Variants in ARL6IP1 observed in about 807,000 individuals in gnomAD.
ARL6IP1 encodes ADP-ribosylation factor-like protein 6-interacting protein 1.
A neutral mutation model predicts 30.1 loss-of-function variants in ARL6IP1; 16 were observed. The ratio of observed to expected loss-of-function variants is 0.53; its 90% CI spans 0.36 to 0.81. The LOEUF (loss-of-function observed/expected upper bound fraction) is 0.81, where lower values mean the gene tolerates loss of function less well. Among genes scored for constraint, ARL6IP1 ranks in the 30% least tolerant of loss-of-function variants. The pLI is 0.01. For missense variants in ARL6IP1, 173 were observed against 242.7 expected (o/e 0.71, Z 1.91); for synonymous variants, 72 against 84.8 (o/e 0.85, Z 0.83).
At chr16:18,795,643 C>T (rs2030208661) in intron 3 of ARL6IP1, 62 bp from the exon 4 acceptor site, 3 of 1,057,962 alleles carry the variant, frequency 2.8e-6, no homozygotes, top group African/African-American at 3.2e-5. Flanking sequence ...AACATGACAC[C>T]CTGTTCAATT....
intron 2 of ARL6IP1, chr16:18,798,276 T>G (rs112426894): frequency 2.6e-5 from 10 of 391,678 alleles, no homozygotes; most frequent in African/African-American, 1.3e-4. Flanking sequence ...CTCAGCACTT[T>G]TTTAAGAGTT....
intron 4 of ARL6IP1, 56 bp from the exon 5 acceptor site, chr16:18,794,739 T>C: frequency 8.1e-7 from 1 of 1,234,114 alleles, no homozygotes; most frequent in South Asian, 1.3e-5. Flanking sequence ...CATAAATATA[T>C]GTAATTTTTA....
Position 18,794,602 on chromosome 16 carries a change from T to G in ARL6IP1, c.490A>C (p.Ile164Leu), listed in dbSNP as rs200377377. The change falls in exon 5 of 6, where the codon ATA becomes CTA. Residue 164 changes from isoleucine (I) to leucine (L), a missense_variant. Coordinates refer to ENST00000304414, the MANE Select transcript of ARL6IP1 (RefSeq NM_015161.3). The stretch of plus-strand genomic sequence containing the variant: ...TAGTTTTTCCTCAAAGACTTACCTA[T>G]CAGGTAGGTGAGAAGCAGGTTGTGG... ...QVHNLLLTYL[I>L]VTSLLLLPGL... The G allele has an allele frequency of 3.7e-5, 59 of 1,610,846 alleles. No homozygotes were observed. In the Admixed American group the frequency reaches 9.0e-4, roughly 25 times the overall value.
At chr16:18,793,988 T>TG (rs551401994) in intron 5 of ARL6IP1, among the ~76,000 whole-genome samples, 300 of 143,496 alleles carry the variant, frequency 2.1e-3, no homozygotes, top group East Asian at 5.2e-3. Context: ...CGGTGGTGGG[T>TG]GGGGGGGGTG....
chr16:18,794,855 C>A (rs181767491), intron 4 of ARL6IP1, among the ~76,000 whole-genome samples, 172 bp from the exon 5 acceptor site: 1 of 152,270 alleles, frequency 6.6e-6, no homozygotes, highest in East Asian at 1.9e-4. Flanking sequence ...TCCATTGGAT[C>A]TACTTTATAG....
chr16:18,800,621 T>C (rs1596950309), intron 1 of ARL6IP1, among the ~76,000 whole-genome samples: 1 of 152,330 alleles, frequency 6.6e-6, no homozygotes, highest in Non-Finnish European at 1.5e-5. Context: ...CAAAAGCCCC[T>C]AAGTAAATTC....
chr16:18,798,091 T>C, intron 2 of ARL6IP1, 47 bp from the exon 3 acceptor site: 1 of 1,522,998 alleles, frequency 6.6e-7, no homozygotes. Flanking sequence ...TCATTATTAT[T>C]CCTAACTAAA....
chr16:18,791,922 A>C lies in ARL6IP1; in HGVS notation c.*1330T>G, dbSNP rs1385545540. 6.5e-6 allele frequency: 1 copy of C among 152,688 alleles called. No individual in the cohort carries two copies. The highest frequency in any genetic ancestry group is 2.4e-5 in the African/African-American group (1 of 41,476). The allele number at this position is 152,688 out of a possible 1,614,324, so 9.5% of individuals were successfully genotyped here. Reference sequence around the variant, plus strand: ...CAGCAATATTAAAGAGGAGAAAACAACACTTATTTAATAGGGACAGATATA... The same window carrying C: ...CAGCAATATTAAAGAGGAGAAAACACCACTTATTTAATAGGGACAGATATA... On this transcript the variant is annotated 3_prime_UTR_variant, in exon 6 of 6. Transcript: ENST00000304414.
At chr16:18,801,371 G>C (rs2030405962) in intron 1 of ARL6IP1, 60 bp downstream of exon 1, 2 of 1,601,518 alleles carry the variant, frequency 1.2e-6, no homozygotes, top group Non-Finnish European at 1.7e-6. Flanking sequence ...CGCGGTGTTT[G>C]AGCCCACGGA....
intron 1 of ARL6IP1, chr16:18,801,114 A>T (rs1444965102): frequency 8.4e-7 from 1 of 1,183,868 alleles, no homozygotes; most frequent in Non-Finnish European, 1.1e-6. Flanking sequence ...AGCGCTGGAC[A>T]GGCCCCAGGA....
intron 1 of ARL6IP1, 187 bp downstream of exon 1, chr16:18,801,244 C>A: frequency 7.0e-7 from 1 of 1,426,732 alleles, no homozygotes; most frequent in Admixed American, 2.9e-5. Flanking sequence ...CGCGCACCGT[C>A]CCCAGGAAAG....
At chr16:18,799,527 AGTTT>A (rs886524041) in intron 1 of ARL6IP1, among the ~76,000 whole-genome samples, 15 of 152,234 alleles carry the variant, frequency 9.9e-5, no homozygotes, top group East Asian at 3.9e-4. Flanking sequence ...ACTTTTTTTA[AGTTT>A]GTTTATTTCA....
intron 2 of ARL6IP1, chr16:18,798,268 C>T (rs1318942951): frequency 9.9e-6 from 4 of 405,746 alleles, no homozygotes; most frequent in Non-Finnish European, 1.8e-5. Flanking sequence ...TTGGAGTTCT[C>T]AGCACTTTTT....
chr16:18,795,697 C>T (rs1378919854), intron 3 of ARL6IP1, 116 bp from the exon 4 acceptor site: 1 of 702,024 alleles, frequency 1.4e-6, no homozygotes, highest in African/African-American at 1.8e-5. Flanking sequence ...AACAATGTTT[C>T]ACCATTATCT....
intron 4 of ARL6IP1, chr16:18,795,173 TAGCCACTGTGCCCGGCCTAAAC>T (rs1234971040): frequency 7.5e-6 from 2 of 265,376 alleles, no homozygotes; most frequent in Non-Finnish European, 1.5e-5. Context: ...TTATAGGCAT[TAGCCACTGTGCCCGGCCTAAAC>T]AGATGCTTTC....
chr16:18,801,395 C>T, intron 1 of ARL6IP1, 36 bp downstream of exon 1: 3 of 1,610,714 alleles, frequency 1.9e-6, no homozygotes, highest in African/African-American at 1.3e-5. Context: ...CTGGAGGCCT[C>T]GCTCGGCTCC....
chr16:18,793,314 T>C lies in ARL6IP1; in HGVS notation c.550A>G (p.Ile184Val), dbSNP rs1312657750. The C allele has an allele frequency of 1.2e-6, 2 of 1,613,460 alleles. No homozygotes were observed. The highest frequency in any genetic ancestry group is 1.7e-6 in the Non-Finnish European group (2 of 1,179,910). The change falls in exon 6 of 6, where the codon ATT becomes GTT. Residue 184 changes from isoleucine to valine, a missense_variant. Transcript: ENST00000304414. Reference sequence around the variant, plus strand: ...TTTATCTCCCTCTTGGCCATTCCAATGTACTTCAAAATGATTCCATGTTGG... The same window carrying C: ...TTTATCTCCCTCTTGGCCATTCCAACGTACTTCAAAATGATTCCATGTTGG... ...LNQHGIILKY[I>V]GMAKREINKL...
chr16:18,799,164 C>T (rs962139534), intron 1 of ARL6IP1, among the ~76,000 whole-genome samples: 12 of 152,066 alleles, frequency 7.9e-5, no homozygotes, highest in African/African-American at 2.7e-4. Context: ...GGACTATAGG[C>T]GCCCGCCACC....
chr16:18,794,261 T>C (rs944083903), intron 5 of ARL6IP1, among the ~76,000 whole-genome samples: 8 of 152,196 alleles, frequency 5.3e-5, no homozygotes, highest in Non-Finnish European at 1.2e-4. Context: ...AGTTATTACA[T>C]TTTAAAGAAG....
Sources: allele counts gnomAD v4.1 joint callset (sites outside exome capture counted in the v4.1 genomes callset), GRCh38; gene constraint gnomAD v4.1.1; transcripts MANE v1.5; gene names NCBI Gene and HGNC (gene_info 2026-07-23, HGNC 2026-07-21).